The following DPY30 variants were observed in gnomAD, a reference collection of about 807,000 sequenced individuals.
The protein encoded by DPY30 is protein dpy-30 homolog.
Under a neutral mutation model 16.2 loss-of-function variants are expected in DPY30, and 6 were observed. The ratio of observed to expected loss-of-function variants is 0.37; its 90% confidence interval spans 0.20 to 0.73. The LOEUF (loss-of-function observed/expected upper bound fraction) is 0.73. DPY30 is among the 30% of genes least tolerant of loss of function. DPY30 has a pLI of 0.51. For missense variants in DPY30, 73 were observed against 113.1 expected, an observed-to-expected ratio of 0.65 and a Z score of 1.61; for synonymous variants, 39 against 38.8, an observed-to-expected ratio of 1.00 and a Z score of -0.02.
At chr2:32,015,701 A>G (rs1390751708) in intron 5 of DPY30, among the ~76,000 whole-genome samples, 1 of 151,956 alleles carries the variant, frequency 6.6e-6, no homozygotes, top group East Asian at 1.9e-4. Flanking sequence ...TTAGCCTGAC[A>G]TAGTAGCACG....
chr2:32,014,472 A>T (rs961882179), intron 5 of DPY30, among the ~76,000 whole-genome samples: 4 of 150,780 alleles, frequency 2.7e-5, no homozygotes, highest in African/African-American at 9.8e-5. Flanking sequence ...TGGGCAACAC[A>T]GTGAGATCCC....
At chr2:32,012,161 T>C (rs1488772562) in intron 5 of DPY30, 2 of 152,192 alleles carry the variant, frequency 1.3e-5, no homozygotes, top group African/African-American at 2.4e-5. Context: ...AGTTTACTTT[T>C]AAAAGTGCTA....
At chr2:32,023,893 A>C, downstream of DPY30, 1 of 1,328,814 alleles carries the variant, frequency 7.5e-7, no homozygotes, top group South Asian at 1.4e-5. Context: ...AACAAAAACT[A>C]CTTTAAAATA....
At chr2:32,012,275 T>A (rs1674954440) in intron 5 of DPY30, among the ~76,000 whole-genome samples, 1 of 151,914 alleles carries the variant, frequency 6.6e-6, no homozygotes, top group Non-Finnish European at 1.5e-5. Flanking sequence ...CACTTCTGAC[T>A]CTCATACCTT....
intron 5 of DPY30, among the ~76,000 whole-genome samples, chr2:32,013,732 G>A (rs1207212963): frequency 2.6e-5 from 4 of 152,162 alleles, no homozygotes; most frequent in South Asian, 4.1e-4. Flanking sequence ...AAGGCAGGCC[G>A]GGCGCGGTGG....
chr2:32,024,761 C>T (rs770834411), intron 4 of DPY30, among the ~76,000 whole-genome samples: 9 of 152,148 alleles, frequency 5.9e-5, no homozygotes, highest in Non-Finnish European at 1.0e-4. Context: ...TAGATGAACT[C>T]AAGTGATTAG....
downstream of DPY30, among the ~76,000 whole-genome samples, chr2:32,019,152 G>A (rs899436284): frequency 4.6e-5 from 7 of 152,120 alleles, no homozygotes; most frequent in African/African-American, 1.7e-4. Context: ...GGAGTGCAGT[G>A]GCACGATCTC....
chr2:32,013,543 T>C (rs1465672525), intron 5 of DPY30, among the ~76,000 whole-genome samples: 3 of 152,222 alleles, frequency 2.0e-5, no homozygotes, highest in Non-Finnish European at 4.4e-5. Flanking sequence ...AAATACTTTG[T>C]ATTTTAGGAG....
At chr2:32,020,257 G>A (rs534915696), downstream of DPY30, among the ~76,000 whole-genome samples, 7 of 151,932 alleles carry the variant, frequency 4.6e-5, no homozygotes, top group Admixed American at 1.3e-4. Context: ...TCCCAGCACC[G>A]TGGGATTATA....
chr2:32,028,773 G>C (rs922921521), intron 4 of DPY30, among the ~76,000 whole-genome samples: 1 of 151,666 alleles, frequency 6.6e-6, no homozygotes, highest in African/African-American at 2.4e-5. Flanking sequence ...CCTGGCGACA[G>C]AGCGAGACTC....
At chr2:32,018,961 G>C (rs1572987609), downstream of DPY30, among the ~76,000 whole-genome samples, 1 of 152,140 alleles carries the variant, frequency 6.6e-6, no homozygotes, top group Non-Finnish European at 1.5e-5. Context: ...AGGAGGTCAA[G>C]GCTGCAGTGA....
chr2:32,030,391 G>A (rs955281566), intron 3 of DPY30, among the ~76,000 whole-genome samples: 5 of 152,128 alleles, frequency 3.3e-5, no homozygotes, highest in African/African-American at 1.2e-4. Flanking sequence ...AGCACTTTGG[G>A]AGGCCGAGGC....
intron 4 of DPY30, among the ~76,000 whole-genome samples, chr2:32,025,634 T>C (rs1440099917): frequency 6.6e-6 from 1 of 151,236 alleles, no homozygotes; most frequent in Non-Finnish European, 1.5e-5. Flanking sequence ...TGGTAGTGCA[T>C]GCCTGTAGTC....
intron 5 of DPY30, among the ~76,000 whole-genome samples, chr2:32,016,214 T>G (rs767593619): frequency 2.7e-4 from 41 of 152,164 alleles, no homozygotes; most frequent in Admixed American, 2.0e-3. Flanking sequence ...CTGGCAAGGT[T>G]TTTTAAAAAA....
intron 5 of DPY30, among the ~76,000 whole-genome samples, chr2:32,012,335 A>T (rs923461582): frequency 6.7e-6 from 1 of 148,264 alleles, no homozygotes; most frequent in Non-Finnish European, 1.5e-5. Context: ...CTCAAATTTT[A>T]CCCTCTCCAC....
intron 4 of DPY30, among the ~76,000 whole-genome samples, chr2:32,025,427 T>C (rs1188691254): frequency 3.3e-5 from 5 of 151,570 alleles, no homozygotes; most frequent in Non-Finnish European, 7.4e-5. Flanking sequence ...CATGCCACTG[T>C]ACTCCAGCCT....
At chr2:32,016,698 A>C (rs1675072204) in intron 5 of DPY30, among the ~76,000 whole-genome samples, 1 of 151,742 alleles carries the variant, frequency 6.6e-6, no homozygotes, top group Non-Finnish European at 1.5e-5. Context: ...CAATCTACTG[A>C]TACTCCCAAC....
intron 5 of DPY30, among the ~76,000 whole-genome samples, chr2:32,014,032 G>A (rs1675017842): frequency 6.8e-6 from 1 of 146,510 alleles, no homozygotes; most frequent in Non-Finnish European, 1.5e-5. Flanking sequence ...GAAAGAGAGA[G>A]ACAGAGAGGG....
chr2:32,031,642 C>A (rs1675545872), intron 3 of DPY30, among the ~76,000 whole-genome samples: 1 of 150,940 alleles, frequency 6.6e-6, no homozygotes. Context: ...CACCTGTAAT[C>A]CCAGCACTTT....
Sources: allele counts gnomAD v4.1 joint callset (sites outside exome capture counted in the v4.1 genomes callset), GRCh38; gene constraint gnomAD v4.1.1; transcripts MANE v1.5; gene names NCBI Gene and HGNC (gene_info 2026-07-23, HGNC 2026-07-21).